The following SENP7 variants were observed in gnomAD, a reference collection of about 807,000 sequenced individuals.
The protein encoded by SENP7 is SUMO specific peptidase 7.
A neutral mutation model predicts 141.2 loss-of-function variants in SENP7; 64 were observed. The observed-to-expected ratio is 0.45, with a 90% CI of 0.37 to 0.56. The LOEUF (loss-of-function observed/expected upper bound fraction) is 0.56. Ranked by LOEUF, SENP7 falls within the 20% of genes least tolerant of loss-of-function variation. The probability of loss-of-function intolerance (pLI) is 0.00; values close to 1 mark genes in which losing one functional copy is unlikely to be tolerated. For missense variants in SENP7, 1,025 were observed against 1,212.2 expected, an observed-to-expected ratio of 0.85 and a Z score of 2.29; for synonymous variants, 382 against 426.4, an observed-to-expected ratio of 0.90 and a Z score of 1.28.
chr3:101,358,310 C>T, intron 11 of SENP7: 1 of 999,254 alleles, frequency 1.0e-6, no homozygotes, highest in Non-Finnish European at 1.4e-6. Flanking sequence ...CCTTAATAAA[C>T]ATAAAATAAT....
chr3:101,372,050 C>G lies in SENP7; in HGVS notation c.754G>C (p.Asp252His). The G allele has an allele frequency of 6.4e-7, 1 of 1,567,138 alleles. No homozygotes were observed. Among genetic ancestry groups the G allele is most frequent in the African/African-American group, 1.3e-5 (1 of 74,504 alleles). The part of the protein sequence containing the change: ...TAHNKEKRRK[D>H]DGISLLISDT... ...GATATTAAAAGAGAAATGCCATCAT[C>G]CTTTCTTCGTTTTTCTTTATTGTGC... The change falls in exon 7 of 24, where the codon GAT becomes CAT. Residue 252 changes from aspartate to histidine, a missense_variant. Asp to His is a moderately conservative substitution (Grantham distance 81). This residue lies in a region of SENP7 where 496 missense variants were observed against 503.5 expected (regional missense o/e 0.99). Coordinates refer to ENST00000394095, the MANE Select transcript of SENP7 (RefSeq NM_020654.5).
intron 3 of SENP7, among the ~76,000 whole-genome samples, chr3:101,479,845 A>G (rs529211195): frequency 7.0e-6 from 1 of 143,132 alleles, no homozygotes; most frequent in East Asian, 2.1e-4. Context: ...CCAACAATGA[A>G]CTAACTGAAA....
At position 101,367,841 on chromosome 3, in the gene SENP7, T is replaced by A. The variant is rs1018918604; in HGVS notation, c.967A>T (p.Thr323Ser). The A allele has an allele frequency of 1.3e-6, 2 of 1,593,152 alleles. No individual in the cohort carries two copies. The highest frequency in any genetic ancestry group is 2.2e-5 in the South Asian group (2 of 89,536). ...ATACCTCTACTTACTGTCTGTTCTG[T>A]TGACTTATCCAAAGAAGTACAATAT... ...SQYCTSLDKS[T>S]EQTKKQEDDS... Residue 323 changes from threonine to serine, a missense_variant, in exon 8 of 24, where the codon ACA (threonine) becomes TCA (serine). By Grantham distance (58) the Thr-to-Ser change is moderately conservative. This residue lies in a region of SENP7 where 496 missense variants were observed against 503.5 expected (regional missense o/e 0.99). Coordinates refer to ENST00000394095, the MANE Select transcript of SENP7 (RefSeq NM_020654.5).
intron 5 of SENP7, among the ~76,000 whole-genome samples, chr3:101,412,653 A>G (rs2061488201): frequency 6.6e-6 from 1 of 152,096 alleles, no homozygotes; most frequent in African/African-American, 2.4e-5. Context: ...TGGGTACACT[A>G]TCTCCATATT....
At chr3:101,333,542 GTTAAC>G (rs968096115) in intron 17 of SENP7, among the ~76,000 whole-genome samples, 42 of 152,038 alleles carry the variant, frequency 2.8e-4, no homozygotes, top group South Asian at 8.3e-4. Context: ...AAATTAATCA[GTTAAC>G]TTAATTTAAT....
chr3:101,331,482 A>AG (rs2059051135), intron 19 of SENP7, among the ~76,000 whole-genome samples: 1 of 151,406 alleles, frequency 6.6e-6, no homozygotes, highest in Non-Finnish European at 1.5e-5. Flanking sequence ...AAAAAAAAAA[A>AG]AAAGTATGTT....
At chr3:101,342,675 C>CTT (rs556843924) in intron 14 of SENP7, among the ~76,000 whole-genome samples, 2 of 143,024 alleles carry the variant, frequency 1.4e-5, no homozygotes, top group African/African-American at 2.6e-5. Flanking sequence ...ACCTTAGTAC[C>CTT]TTTTTTTTTT....
chr3:101,344,504 C>T (rs564691103), intron 13 of SENP7, among the ~76,000 whole-genome samples: 77 of 152,188 alleles, frequency 5.1e-4, no homozygotes, highest in African/African-American at 1.8e-3. Flanking sequence ...AAATTTAGTT[C>T]ACTACTTAAC....
chr3:101,451,969 G>A (rs528133681), intron 4 of SENP7, among the ~76,000 whole-genome samples: 4 of 152,160 alleles, frequency 2.6e-5, no homozygotes, highest in East Asian at 1.9e-4. Flanking sequence ...AAACCCCATT[G>A]TCTCAGCCCA....
At chr3:101,339,705 TGA>T (rs2059280839) in intron 16 of SENP7, among the ~76,000 whole-genome samples, 1 of 151,390 alleles carries the variant, frequency 6.6e-6, no homozygotes, top group Admixed American at 6.6e-5. Flanking sequence ...GTGACAAGAG[TGA>T]GACTCCATCT....
At chr3:101,356,101 AATTT>A (rs2059735443) in intron 11 of SENP7, among the ~76,000 whole-genome samples, 1 of 152,078 alleles carries the variant, frequency 6.6e-6, no homozygotes, top group Non-Finnish European at 1.5e-5. Flanking sequence ...ATAATATAGT[AATTT>A]ATTTGAATAT....
chr3:101,359,279 A>G (rs2059828266), intron 11 of SENP7: 1 of 151,974 alleles, frequency 6.6e-6, no homozygotes, highest in Non-Finnish European at 1.5e-5. Context: ...CATTAATGCT[A>G]GTGATTTTTG....
chr3:101,463,019 A>C (rs748085914), intron 3 of SENP7, among the ~76,000 whole-genome samples: 6 of 152,122 alleles, frequency 3.9e-5, no homozygotes, highest in Non-Finnish European at 7.3e-5. Flanking sequence ...CTGACAACAG[A>C]CTCATATCCT....
intron 3 of SENP7, among the ~76,000 whole-genome samples, chr3:101,487,044 A>T (rs1158809937): frequency 6.6e-6 from 1 of 152,204 alleles, no homozygotes; most frequent in Non-Finnish European, 1.5e-5. Context: ...TAATGGTAAA[A>T]GGCTTTGTCC....
At chr3:101,386,116 A>G (rs760051866) in intron 6 of SENP7, among the ~76,000 whole-genome samples, 1 of 152,214 alleles carries the variant, frequency 6.6e-6, no homozygotes, top group Non-Finnish European at 1.5e-5. Context: ...ACAATTAAGA[A>G]CCAAAACAGC....
At chr3:101,489,939 T>C (rs1409709892) in intron 3 of SENP7, among the ~76,000 whole-genome samples, 1 of 152,122 alleles carries the variant, frequency 6.6e-6, no homozygotes, top group Non-Finnish European at 1.5e-5. Flanking sequence ...AATGCCAGCA[T>C]TTTGGGAGGC....
At chr3:101,344,183 T>C (rs1166896910) in intron 13 of SENP7, among the ~76,000 whole-genome samples, 1 of 152,210 alleles carries the variant, frequency 6.6e-6, no homozygotes, top group Non-Finnish European at 1.5e-5. Flanking sequence ...GTCATAATAG[T>C]ACTGATTGCT....
At chr3:101,476,913 G>C (rs989554816) in intron 3 of SENP7, among the ~76,000 whole-genome samples, 2 of 152,142 alleles carry the variant, frequency 1.3e-5, no homozygotes, top group African/African-American at 4.8e-5. Flanking sequence ...AGAAGTGTCT[G>C]TTCATATCCT....
chr3:101,442,921 G>A (rs1048588545), intron 4 of SENP7, among the ~76,000 whole-genome samples: 1 of 152,152 alleles, frequency 6.6e-6, no homozygotes, highest in Non-Finnish European at 1.5e-5. Flanking sequence ...GATTTCAGTT[G>A]TTTCAGAGGA....
Sources: allele counts gnomAD v4.1 joint callset (sites outside exome capture counted in the v4.1 genomes callset), GRCh38; gene constraint gnomAD v4.1.1; regional missense constraint gnomAD v4.1.1; transcripts MANE v1.5; gene names NCBI Gene and HGNC (gene_info 2026-07-23, HGNC 2026-07-21).